CFAP47: variants seen among roughly 807,000 people sequenced by gnomAD.
CFAP47 encodes the protein cilia- and flagella-associated protein 47.
CFAP47 carries 29 observed loss-of-function variants against 148.1 expected under a neutral mutation model. The observed-to-expected ratio is 0.20, with a 90% CI of 0.15 to 0.27. The LOEUF (loss-of-function observed/expected upper bound fraction) is 0.27, where lower values mean the gene tolerates loss of function less well. CFAP47 is among the 10% of genes least tolerant of loss of function. CFAP47 has a pLI of 1.00. For synonymous variants in CFAP47, 664 were observed against 577.3 expected (o/e 1.15, Z -2.15); for missense variants, 1,872 against 1,697.5 (o/e 1.10, Z -1.81).
At position 35,967,646 on chromosome X, in the gene CFAP47, C is replaced by T. The variant is rs763959435; in HGVS notation, c.1628C>T (p.Thr543Met). The T allele has an allele frequency of 5.0e-6, 6 of 1,208,320 alleles. No homozygotes were observed. The highest frequency in any genetic ancestry group is 2.3e-4 in the Middle Eastern group (1 of 4,342). ...ATATTGCCTTCGATCCGTAATCCCACGGGAAAGTTTGTGGTCAAAGACTTG... is the reference window on the plus strand; with the variant it reads ...ATATTGCCTTCGATCCGTAATCCCATGGGAAAGTTTGTGGTCAAAGACTTG... ...PGILPSIRNP[T>M]GKFVVKDLAK... The change falls in exon 10 of 64, where the codon ACG becomes ATG. Residue 543 changes from threonine (T) to methionine (M), a missense_variant. Thr to Met is a moderately conservative substitution (Grantham distance 81). Transcript: ENST00000378653.
chrX:36,365,534 T>C (rs1170633123), intron 61 of CFAP47: 1 of 110,708 alleles, frequency 9.0e-6, no homozygotes, highest in Non-Finnish European at 1.9e-5. Flanking sequence ...GTTATATAGG[T>C]AAACTCGTGT....
intron 10 of CFAP47, among the ~76,000 whole-genome samples, chrX:35,969,746 G>A (rs1046129754): frequency 9.0e-6 from 1 of 111,491 alleles, no homozygotes; most frequent in African/African-American, 3.3e-5. Context: ...ATCAAAAATC[G>A]TCTTTGAGCA....
chrX:36,144,095 A>T (rs1347415938), intron 35 of CFAP47, among the ~76,000 whole-genome samples: 1 of 111,598 alleles, frequency 9.0e-6, no homozygotes, highest in Non-Finnish European at 1.9e-5. Context: ...GAAAAAATAC[A>T]CTCTTTTCCT....
chrX:36,235,474 G>A (rs1005937881), intron 46 of CFAP47, among the ~76,000 whole-genome samples: 11 of 112,393 alleles, frequency 9.8e-5, no homozygotes, highest in Non-Finnish European at 2.1e-4. Context: ...CTGTGGAAAA[G>A]CGCAGTATTG....
intron 56 of CFAP47, among the ~76,000 whole-genome samples, chrX:36,315,124 G>T (rs1941423490): frequency 8.9e-6 from 1 of 112,028 alleles, no homozygotes; most frequent in South Asian, 3.7e-4. Context: ...ATACTATGTT[G>T]CCTAAAAGTA....
intron 33 of CFAP47, among the ~76,000 whole-genome samples, chrX:36,108,403 A>T (rs1435346591): frequency 9.0e-6 from 1 of 111,204 alleles, no homozygotes; most frequent in Non-Finnish European, 1.9e-5. Flanking sequence ...AAGCACCTCA[A>T]ATTTCACTGG....
intron 57 of CFAP47, among the ~76,000 whole-genome samples, chrX:36,327,840 A>T (rs1257844529): frequency 8.9e-6 from 1 of 112,063 alleles, no homozygotes; most frequent in Non-Finnish European, 1.9e-5. Flanking sequence ...AATAATCCTA[A>T]GTAAGTTAAT....
chrX:36,002,052 A>C (rs897146254), intron 21 of CFAP47, among the ~76,000 whole-genome samples: 42 of 111,760 alleles, frequency 3.8e-4, no homozygotes, highest in Admixed American at 9.5e-5. Flanking sequence ...TCTGTGAACC[A>C]CTACCTGAAA....
At chrX:35,964,473 G>A (rs1457750022) in intron 8 of CFAP47, among the ~76,000 whole-genome samples, 2 of 110,924 alleles carry the variant, frequency 1.8e-5, no homozygotes, top group African/African-American at 6.5e-5. Flanking sequence ...GTTTTGTTGA[G>A]TTTCTTTGAT....
chrX:35,929,886 C>T (rs746007781), intron 2 of CFAP47, among the ~76,000 whole-genome samples: 29 of 110,797 alleles, frequency 2.6e-4, no homozygotes, highest in Non-Finnish European at 4.7e-4. Context: ...GTAATCTCAG[C>T]TACTTGGAAG....
At chrX:36,291,087 T>C (rs781997094) in intron 51 of CFAP47, among the ~76,000 whole-genome samples, 2 of 111,969 alleles carry the variant, frequency 1.8e-5, no homozygotes, top group Admixed American at 9.5e-5. Flanking sequence ...AGCTTTAGCA[T>C]TGGAAATTAG....
At chrX:36,365,666 T>C (rs1941868862) in intron 61 of CFAP47, 4 of 110,410 alleles carry the variant, frequency 3.6e-5, no homozygotes, top group Admixed American at 9.7e-5. Context: ...CCAGTGTCTA[T>C]TGGTCCCGTC....
At chrX:36,027,843 T>A (rs1300083353) in intron 22 of CFAP47, among the ~76,000 whole-genome samples, 1 of 111,886 alleles carries the variant, frequency 8.9e-6, no homozygotes, top group Non-Finnish European at 1.9e-5. Context: ...TTTTTAATAG[T>A]AGCCTTTCTG....
chrX:36,311,798 C>G (rs782674342), intron 56 of CFAP47, among the ~76,000 whole-genome samples: 3 of 111,129 alleles, frequency 2.7e-5, no homozygotes, highest in Non-Finnish European at 5.7e-5. Flanking sequence ...CTCCATCAAT[C>G]TGATTGAAAG....
intron 49 of CFAP47, among the ~76,000 whole-genome samples, chrX:36,262,569 C>T (rs1483296750): frequency 8.9e-6 from 1 of 112,238 alleles, no homozygotes; most frequent in African/African-American, 3.2e-5. Context: ...ATGGCTAAAT[C>T]ATACTCCATT....
rs1601909478 is a variant in CFAP47 at position 35,972,028 on chromosome X, T to A, written c.2254+63T>A. 4 of 733,493 alleles carry A rather than the reference T, an allele frequency of 5.5e-6. No individual in the cohort carries two copies. The East Asian group carries it at 1.4e-4, about 26-fold the overall frequency. The allele number at this position is 733,493 out of a possible 1,213,427, so 60.4% of individuals were successfully genotyped here. On this transcript the variant is annotated intron_variant, in intron 13 of 63. Coordinates refer to ENST00000378653, the MANE Select transcript of CFAP47 (RefSeq NM_001304548.2). ...TTTATAAAAAAAAGATTTCTTAAAG[T>A]GTAATTTATATTTCATAAAATTTAA... is the stretch of plus-strand genomic sequence containing the variant.
chrX:35,950,411 A>T (rs1936145964), intron 4 of CFAP47, among the ~76,000 whole-genome samples: 1 of 111,700 alleles, frequency 9.0e-6, no homozygotes, highest in South Asian at 3.7e-4. Flanking sequence ...TGTCACCTTG[A>T]CTGGAATGCA....
intron 33 of CFAP47, among the ~76,000 whole-genome samples, chrX:36,128,469 G>A (rs181913435): frequency 1.4e-3 from 160 of 110,832 alleles, no homozygotes; most frequent in African/African-American, 4.7e-3. Flanking sequence ...ACATTTCTTT[G>A]TAAATTTGGC....
chrX:35,922,651 G>A (rs1264530100), intron 1 of CFAP47, among the ~76,000 whole-genome samples: 2 of 112,692 alleles, frequency 1.8e-5, no homozygotes, highest in African/African-American at 6.4e-5. Context: ...GTTCAAATGT[G>A]GTAGTTAGGA....
Sources: gnomAD v4.1 joint callset for allele counts (sites outside exome capture counted in the v4.1 genomes callset) on GRCh38, gnomAD v4.1.1 for gene constraint, MANE v1.5 for transcripts, NCBI Gene and HGNC (gene_info 2026-07-23, HGNC 2026-07-21) for gene names.